Variants in CRB2 observed in about 807,000 individuals in gnomAD.
CRB2 encodes the protein protein crumbs homolog 2.
Under a neutral mutation model 110.9 loss-of-function variants are expected in CRB2, and 85 were observed. The observed-to-expected ratio is 0.77, with a 90% CI of 0.64 to 0.92. The LOEUF (loss-of-function observed/expected upper bound fraction) is 0.92, where lower values mean the gene tolerates loss of function less well. Among genes scored for constraint, CRB2 ranks in the 40% least tolerant of loss-of-function variants. The pLI, the probability that CRB2 is intolerant of heterozygous loss-of-function variation, is 0.00. For missense variants in CRB2, 1,843 were observed against 1,851.3 expected (o/e 1.00, Z 0.08); for synonymous variants, 907 against 831.0 (o/e 1.09, Z -1.57).
chr9:123,379,293 C>T (rs2042166129), downstream of CRB2, among the ~76,000 whole-genome samples: 1 of 152,190 alleles, frequency 6.6e-6, no homozygotes, highest in Non-Finnish European at 1.5e-5. Flanking sequence ...GAGGCAGAGT[C>T]CCAGGCTCTG....
At chr9:123,364,452 C>T (rs2041907345) in intron 2 of CRB2, among the ~76,000 whole-genome samples, 1 of 152,042 alleles carries the variant, frequency 6.6e-6, no homozygotes, top group South Asian at 2.1e-4. Context: ...TGAGTGGGGG[C>T]AGCATCTGCC....
In CRB2 at chr9:123,365,978, G is replaced by C. The variant is rs775348629; in HGVS notation, c.480G>C (p.Ser160=). The C allele has an allele frequency of 6.3e-7, 1 of 1,597,394 alleles. No individual in the cohort carries two copies. Among genetic ancestry groups the C allele is most frequent in the Non-Finnish European group, 8.5e-7 (1 of 1,179,054 alleles). ...CASAPCLHGG[S]CLDGVGSFRC... ...CAGCGCCCTGCCTGCACGGGGGCTC[G>C]TGCCTGGACGGCGTGGGCTCCTTCC... is the stretch of plus-strand genomic sequence containing the variant. The change falls in exon 3 of 13, where the codon TCG becomes TCC. Residue 160 remains serine (S), a synonymous_variant. Transcript: ENST00000373631.
chr9:123,370,215 T>C lies in CRB2; in HGVS notation c.1162T>C (p.Trp388Arg), dbSNP rs1252794537. ...AGYICRCPET[W>R]GGRDCSVQLT... ...CTATATCTGCAGGTGCCCAGAGACC[T>C]GGGGTGGGCGCGACTGTTCTGTGCA... The change falls in exon 7 of 13, where the codon TGG becomes CGG. Residue 388 changes from tryptophan to arginine, a missense_variant. By Grantham distance (101) the Trp-to-Arg change is moderately radical. Transcript: ENST00000373631. 6.2e-7 allele frequency: 1 copy of C among 1,613,162 alleles called. No homozygotes were observed. The highest frequency in any genetic ancestry group is 8.5e-7 in the Non-Finnish European group (1 of 1,179,962).
rs772645892 is a variant in CRB2 at position 123,373,685 on chromosome 9, C to G, written c.3154C>G (p.Leu1052Val). 6.8e-7 allele frequency: 1 copy of G among 1,471,788 alleles called. No homozygotes were observed. The highest frequency in any genetic ancestry group is 8.9e-7 in the Non-Finnish European group (1 of 1,122,188). 91.2% of individuals were successfully genotyped at this position (1,471,788 alleles called of 1,614,324 possible). A position where few individuals can be genotyped will look rare whatever the true frequency, so the allele number is the denominator to read the frequency against. Residue 1052 changes from leucine to valine, a missense_variant, in exon 10 of 13, where the codon CTC (leucine) becomes GTC (valine). Coordinates refer to ENST00000373631, the MANE Select transcript of CRB2 (RefSeq NM_173689.7). ...ASWPGTPAPI[L>V]GCRGAPVCAP... is the part of the protein sequence containing the mutation. ...TTGGCCTGGGACGCCGGCCCCGATC[C>G]TCGGCTGCCGCGGCGCGCCCGTGTG...
At chr9:123,366,763 C>T (rs1425964686) in intron 4 of CRB2, among the ~76,000 whole-genome samples, 1 of 151,934 alleles carries the variant, frequency 6.6e-6, no homozygotes, top group East Asian at 1.9e-4. Flanking sequence ...CCAGCCTGGC[C>T]AACATTGTGA....
intron 2 of CRB2, among the ~76,000 whole-genome samples, chr9:123,365,658 G>A (rs1019230203): frequency 6.6e-6 from 1 of 152,174 alleles, no homozygotes; most frequent in African/African-American, 2.4e-5. Flanking sequence ...GCTCATTTAG[G>A]TAATTACTGG....
rs2041799768 is a variant in CRB2 at position 123,356,431 on chromosome 9, T to A, written c.94+77T>A. 4 of 1,221,448 alleles carry A rather than the reference T, an allele frequency of 3.3e-6. 1 individual carries two copies. In the South Asian group the frequency reaches 6.5e-5, roughly 20 times the overall value. The allele number at this position is 1,221,448 out of a possible 1,614,324, so 75.7% of individuals were successfully genotyped here. On this transcript the variant is annotated intron_variant, in intron 1 of 12. Transcript: ENST00000373631. Reference sequence around the variant, plus strand: ...GACAGATACCCCAAGCCTTGGCTGCTGGGGTGGTGGGTGGGCTGGTCCGCG... The same window carrying A: ...GACAGATACCCCAAGCCTTGGCTGCAGGGGTGGTGGGTGGGCTGGTCCGCG...
chr9:123,354,465 C>A (rs963981592), upstream of CRB2, among the ~76,000 whole-genome samples: 2 of 152,230 alleles, frequency 1.3e-5, no homozygotes, highest in African/African-American at 4.8e-5. Context: ...CTGGCACTGT[C>A]GCCTTGGCTC....
chr9:123,376,762 CGCTCTCT>C, intron 12 of CRB2, 69 bp from the exon 13 acceptor site: 1 of 1,338,820 alleles, frequency 7.5e-7, no homozygotes, highest in Non-Finnish European at 1.0e-6. Context: ...CCTTGTGCTG[CGCTCTCT>C]GCTCTCTGAG....
rs1474833179 is a variant in CRB2, at chr9:123,370,225, G to A, written c.1172G>A (p.Arg391His). ...ICRCPETWGGRDCSVQLTGCQ... is the reference protein window; with the variant it reads ...ICRCPETWGGHDCSVQLTGCQ... ...AGGTGCCCAGAGACCTGGGGTGGGC[G>A]CGACTGTTCTGTGCAGCTCACTGGC... The change falls in exon 7 of 13, where the codon CGC becomes CAC. Residue 391 changes from arginine to histidine, a missense_variant. Physicochemically the swap from Arg to His is conservative, Grantham distance 29. Coordinates refer to ENST00000373631, the MANE Select transcript of CRB2 (RefSeq NM_173689.7). 9.3e-6 allele frequency: 15 copies of A among 1,613,052 alleles called. No homozygotes were observed. The highest frequency in any genetic ancestry group is 3.3e-5 in the Admixed American group (2 of 60,002).
At chr9:123,362,349 G>A (rs1292393401) in intron 1 of CRB2, among the ~76,000 whole-genome samples, 1 of 152,078 alleles carries the variant, frequency 6.6e-6, no homozygotes, top group Non-Finnish European at 1.5e-5. Context: ...GGCCTCCTTG[G>A]ATGGATGGGG....
rs1256379197 is a variant in CRB2 at position 123,370,840 on chromosome 9, G to C, written c.1787G>C (p.Gly596Ala). ...DGHLLLPEDL[G>A]ENVLLGCERR... ...CACCTCCTGCTGCCTGAGGATCTCGGTGAGAACGTCCTCCTGGGCTGTGAG... is the reference window on the plus strand; with the variant it reads ...CACCTCCTGCTGCCTGAGGATCTCGCTGAGAACGTCCTCCTGGGCTGTGAG... Residue 596 changes from glycine (G) to alanine (A), a missense_variant, in exon 7 of 13, where the codon GGT becomes GCT. Physicochemically the swap from Gly to Ala is moderately conservative, Grantham distance 60 (BLOSUM62 0). Coordinates refer to ENST00000373631, the MANE Select transcript of CRB2 (RefSeq NM_173689.7). 1 of 1,607,236 alleles carries C rather than the reference G, an allele frequency of 6.2e-7. No homozygotes were observed. Among genetic ancestry groups the C allele is most frequent in the Admixed American group, 1.7e-5 (1 of 60,024 alleles).
intron 2 of CRB2, among the ~76,000 whole-genome samples, chr9:123,364,463 G>A (rs970116471): frequency 1.0e-4 from 15 of 148,446 alleles, no homozygotes; most frequent in African/African-American, 2.5e-4. Context: ...AGCATCTGCC[G>A]TGACTCATTC....
chr9:123,375,493 C>T (rs1277232787), intron 12 of CRB2, 150 bp downstream of exon 12: 4 of 885,262 alleles, frequency 4.5e-6, no homozygotes, highest in South Asian at 2.3e-5. Context: ...GTCCCTTCCA[C>T]ACCCCCCACA....
At position 123,373,592 on chromosome 9, in the gene CRB2, G is replaced by T; in HGVS notation, c.3061G>T (p.Gly1021Cys). Residue 1021 changes from glycine (G) to cysteine (C), a missense_variant, in exon 10 of 13, where the codon GGC becomes TGC. By Grantham distance (159) the Gly-to-Cys change is radical. Transcript: ENST00000373631. ...TGCLGRVALG[G>C]LPLPLARPRP... ...CTGCTTGGGCCGCGTGGCGCTGGGC[G>T]GCCTGCCCCTGCCCTTGGCGCGGCC... is the stretch of plus-strand genomic sequence containing the variant. 1 of 1,431,748 alleles carries T rather than the reference G, an allele frequency of 7.0e-7. No homozygotes were observed. Among genetic ancestry groups the T allele is most frequent in the Non-Finnish European group, 9.1e-7 (1 of 1,094,376 alleles). 88.7% of individuals were successfully genotyped at this position (1,431,748 alleles called of 1,614,324 possible).
Position 123,377,162 on chromosome 9 carries a change from G to A in CRB2, c.*100G>A. On this transcript the variant is annotated 3_prime_UTR_variant, in exon 13 of 13. Coordinates refer to ENST00000373631, the MANE Select transcript of CRB2 (RefSeq NM_173689.7). ...CAGGGCTCGGGACATTGCTACGGAAGTGTCCCCTTGGCTGGCAGCCTCTGC... is the reference window on the plus strand; with the variant it reads ...CAGGGCTCGGGACATTGCTACGGAAATGTCCCCTTGGCTGGCAGCCTCTGC... The A allele has an allele frequency of 8.9e-7, 1 of 1,129,686 alleles. No homozygotes were observed. The highest frequency in any genetic ancestry group is 1.7e-5 in the South Asian group (1 of 60,144). 70.0% of individuals were successfully genotyped at this position (1,129,686 alleles called of 1,614,324 possible).
In CRB2 at chr9:123,374,663, C is replaced by A. The variant is rs895912679; in HGVS notation, c.3474C>A (p.Asn1158Lys). Reference protein sequence around the residue: ...SPCEGGSPAANCSCLEGLAGQ... With the variant: ...SPCEGGSPAAKCSCLEGLAGQ... ...GTGAGGGTGGCTCTCCCGCTGCCAA[C>A]TGCAGCTGCCTGGAGGGTCTTGCTG... Residue 1158 changes from asparagine to lysine, a missense_variant, in exon 11 of 13, where the codon AAC (asparagine) becomes AAA (lysine). Physicochemically the swap from Asn to Lys is moderately conservative, Grantham distance 94. Coordinates refer to ENST00000373631, the MANE Select transcript of CRB2 (RefSeq NM_173689.7). 1.2e-5 allele frequency: 19 copies of A among 1,612,024 alleles called. No individual in the cohort carries two copies. Among genetic ancestry groups the A allele is most frequent in the Non-Finnish European group, 1.5e-5 (18 of 1,179,890 alleles).
chr9:123,363,649 C>T (rs764503794), intron 2 of CRB2, among the ~76,000 whole-genome samples: 47 of 152,124 alleles, frequency 3.1e-4, no homozygotes, highest in Non-Finnish European at 6.0e-4. Context: ...GCAATGTGGA[C>T]CCCTGGCCTC....
chr9:123,377,095 G>T lies in CRB2; in HGVS notation c.*33G>T. 3.4e-6 allele frequency: 5 copies of T among 1,488,828 alleles called. No homozygotes were observed. The highest frequency in any genetic ancestry group is 1.8e-4 in the Middle Eastern group (1 of 5,596). 92.2% of individuals were successfully genotyped at this position (1,488,828 alleles called of 1,614,324 possible). On this transcript the variant is annotated 3_prime_UTR_variant, in exon 13 of 13. Coordinates refer to ENST00000373631, the MANE Select transcript of CRB2 (RefSeq NM_173689.7). ...TGGCTGCTGGCACCAGCACCTGGAGGTCCTGAATGGTTTCTACCTGGAGAC... is the reference window on the plus strand; with the variant it reads ...TGGCTGCTGGCACCAGCACCTGGAGTTCCTGAATGGTTTCTACCTGGAGAC...
Sources: allele counts gnomAD v4.1 joint callset (sites outside exome capture counted in the v4.1 genomes callset), GRCh38; gene constraint gnomAD v4.1.1; transcripts MANE v1.5; gene names NCBI Gene and HGNC (gene_info 2026-07-23, HGNC 2026-07-21).